ZFP2: variants seen among roughly 807,000 people sequenced by gnomAD.
ZFP2 encodes zinc finger protein ZFP2.
In ZFP2, 33 loss-of-function variants were observed where a neutral mutation model predicts 36.1. That is an observed-to-expected ratio of 0.92 (90% CI 0.69 to 1.22). ZFP2 has a LOEUF of 1.22. Among genes scored for constraint, ZFP2 ranks in the 50% most tolerant of loss-of-function variants. ZFP2 has a pLI of 0.00. For missense variants in ZFP2, 522 were observed against 551.4 expected (o/e 0.95, Z 0.53); for synonymous variants, 170 against 178.0 (o/e 0.96, Z 0.36).
intron 1 of ZFP2, chr5:178,910,099 G>C: frequency 6.8e-7 from 1 of 1,470,858 alleles, no homozygotes; most frequent in Non-Finnish European, 9.5e-7. Flanking sequence ...TTATTCTCCT[G>C]TTTGGCTTCT....
chr5:178,899,315 C>T (rs1757999971), intron 1 of ZFP2, among the ~76,000 whole-genome samples: 1 of 152,138 alleles, frequency 6.6e-6, no homozygotes, highest in Non-Finnish European at 1.5e-5. Flanking sequence ...TGGCTGATTT[C>T]ATTTAATAGT....
At position 178,933,009 on chromosome 5, in the gene ZFP2, G is replaced by C. The variant is rs76836871; in HGVS notation, c.*310G>C. ...TGGCTATCAGAGACTTTACACTGGAGAGAAAAATGTGAGAGTGTTTAACTG... is the reference window on the plus strand; with the variant it reads ...TGGCTATCAGAGACTTTACACTGGACAGAAAAATGTGAGAGTGTTTAACTG... On this transcript the variant is annotated 3_prime_UTR_variant, in exon 5 of 5. Coordinates refer to ENST00000361362, the MANE Select transcript of ZFP2 (RefSeq NM_030613.4). 0.018 allele frequency: 4,254 copies of C among 242,868 alleles called. 187 individuals are homozygous for C. Among genetic ancestry groups the C allele is most frequent in the African/African-American group, 0.09 (3,929 of 43,562 alleles). 15.0% of individuals were successfully genotyped at this position (242,868 alleles called of 1,614,324 possible).
intron 1 of ZFP2, among the ~76,000 whole-genome samples, chr5:178,906,145 A>G (rs931821310): frequency 8.5e-5 from 13 of 152,174 alleles, no homozygotes; most frequent in African/African-American, 3.1e-4. Context: ...GCATTTCACA[A>G]TAGAAGCTCT....
At chr5:178,915,972 T>C (rs1437053158) in intron 3 of ZFP2, among the ~76,000 whole-genome samples, 1 of 152,216 alleles carries the variant, frequency 6.6e-6, no homozygotes, top group Non-Finnish European at 1.5e-5. Context: ...CTGGTGAAAA[T>C]ATAAATTTGA....
At chr5:178,927,632 G>A (rs1032530780) in intron 4 of ZFP2, among the ~76,000 whole-genome samples, 15 of 150,692 alleles carry the variant, frequency 1.0e-4, no homozygotes, top group African/African-American at 3.7e-4. Flanking sequence ...CAGTAGCTGG[G>A]ATTACAGGTG....
intron 1 of ZFP2, chr5:178,910,359 G>GGGTC (rs1354681090): frequency 1.9e-6 from 2 of 1,069,108 alleles, no homozygotes; most frequent in Non-Finnish European, 2.9e-6. Flanking sequence ...CCCCTGCAAG[G>GGGTC]AAGACTCCTC....
rs1758830329 is a variant in ZFP2, at chr5:178,931,282, G to GT, written c.-31dup. 6.5e-7 allele frequency: 1 copy of GT among 1,543,832 alleles called. No homozygotes were observed. The highest frequency in any genetic ancestry group is 8.7e-7 in the Non-Finnish European group (1 of 1,150,172). On this transcript the variant is annotated 5_prime_UTR_variant, in exon 5 of 5. Coordinates refer to ENST00000361362, the MANE Select transcript of ZFP2 (RefSeq NM_030613.4). Reference sequence around the variant, plus strand: ...ACCAAAGAGCCAACTCCGAAGCCGGGTATTACTGAAGATTTATGCCATGGG... The same window carrying GT: ...ACCAAAGAGCCAACTCCGAAGCCGGGTTATTACTGAAGATTTATGCCATGGG...
At chr5:178,907,619 G>A (rs200637481) in intron 1 of ZFP2, among the ~76,000 whole-genome samples, 1 of 48,788 alleles carries the variant, frequency 2.0e-5, no homozygotes, top group South Asian at 1.7e-3. Flanking sequence ...GATATTCAAA[G>A]AGATAAATAA....
Position 178,931,516 on chromosome 5 carries a change from C to G in ZFP2, c.203C>G (p.Pro68Arg), listed in dbSNP as rs954868280. 1 of 1,614,126 alleles carries G rather than the reference C, an allele frequency of 6.2e-7. No homozygotes were observed. Among genetic ancestry groups the G allele is most frequent in the Non-Finnish European group, 8.5e-7 (1 of 1,180,026 alleles). Residue 68 changes from proline to arginine, a missense_variant, in exon 5 of 5, where the codon CCT (proline) becomes CGT (arginine). Physicochemically the swap from Pro to Arg is moderately radical, Grantham distance 103 (BLOSUM62 -2). Coordinates refer to ENST00000361362, the MANE Select transcript of ZFP2 (RefSeq NM_030613.4). ...DSILDTQQSI[P>R]MVKRPHNCNS... ...ATCCTTGATACACAGCAAAGCATTC[C>G]TATGGTAAAAAGGCCCCATAACTGT...
intron 1 of ZFP2, among the ~76,000 whole-genome samples, chr5:178,899,831 T>A (rs1181486217): frequency 6.6e-6 from 1 of 152,118 alleles, no homozygotes. Flanking sequence ...TACTGAAGAC[T>A]TAACGGCATT....
intron 1 of ZFP2, among the ~76,000 whole-genome samples, chr5:178,909,494 C>T (rs576974485): frequency 2.0e-5 from 3 of 152,272 alleles, no homozygotes; most frequent in Admixed American, 6.5e-5. Flanking sequence ...GCATTGGCCC[C>T]CTGGTCCCAC....
At chr5:178,906,509 G>A (rs1450833328) in intron 1 of ZFP2, among the ~76,000 whole-genome samples, 2 of 151,910 alleles carry the variant, frequency 1.3e-5, no homozygotes, top group African/African-American at 4.8e-5. Context: ...ATCTTTTGTA[G>A]GTACCATACA....
chr5:178,925,682 ATTCAGGCTTCCTTTCC>A (rs1271399186), intron 4 of ZFP2, among the ~76,000 whole-genome samples: 1 of 149,110 alleles, frequency 6.7e-6, no homozygotes, highest in Admixed American at 6.7e-5. Flanking sequence ...TTTGCAGACC[ATTCAGGCTTCCTTTCC>A]TTAAGTGCTT....
rs77407615 is a variant in ZFP2 at position 178,923,360 on chromosome 5, A to G, written c.-78+6650A>G. On this transcript the variant is annotated intron_variant, in intron 4 of 4. Transcript: ENST00000361362. The stretch of plus-strand genomic sequence containing the variant: ...CTGCCTCTATGAATTTGACTACTCT[A>G]GATACCTCATATGAGTTGAATCATG... Among the ~76,000 whole-genome samples the G allele has an allele frequency of 8.4e-3, 1,251 of 149,558 alleles. 100 individuals carry two copies. In the East Asian group the frequency reaches 0.13, roughly 15 times the overall value.
At chr5:178,910,439 G>T (rs1445122021) in intron 1 of ZFP2, 4 of 752,760 alleles carry the variant, frequency 5.3e-6, no homozygotes, top group Non-Finnish European at 9.7e-6. Context: ...GGCCTTCTTG[G>T]TCCCATTGAC....
At chr5:178,920,591 C>T (rs867446295) in intron 4 of ZFP2, among the ~76,000 whole-genome samples, 22 of 151,380 alleles carry the variant, frequency 1.5e-4, no homozygotes, top group Admixed American at 9.2e-4. Context: ...GAGTCGAGAT[C>T]GCGCCACTGC....
At chr5:178,922,038 G>A in intron 4 of ZFP2, 1 of 745,614 alleles carries the variant, frequency 1.3e-6, no homozygotes, top group Non-Finnish European at 2.4e-6. Context: ...AGGCAGGAGA[G>A]TCAGCTAGCC....
In ZFP2 at chr5:178,905,087, C is replaced by T. The variant is rs1005947566; in HGVS notation, c.-449-7497C>T. Reference sequence around the variant, plus strand: ...TTCTCGTATATTTATCCTTAATAGTCGAATTTTATTATGAAGTTCCAACAG... The same window carrying T: ...TTCTCGTATATTTATCCTTAATAGTTGAATTTTATTATGAAGTTCCAACAG... On this transcript the variant is annotated intron_variant, in intron 1 of 4. Transcript: ENST00000361362. 6.6e-5 allele frequency among the ~76,000 whole-genome samples: 10 copies of T among 151,926 alleles called. No individual in the cohort carries two copies. In the East Asian group the frequency reaches 7.7e-4, roughly 12 times the overall value.
At chr5:178,909,873 G>A in intron 1 of ZFP2, 1 of 1,577,984 alleles carries the variant, frequency 6.3e-7, no homozygotes, top group Non-Finnish European at 8.7e-7. Flanking sequence ...AATCACCTGA[G>A]TGAAGTTAAG....
Sources: allele counts gnomAD v4.1 joint callset (sites outside exome capture counted in the v4.1 genomes callset), GRCh38; gene constraint gnomAD v4.1.1; transcripts MANE v1.5; gene names NCBI Gene and HGNC (gene_info 2026-07-23, HGNC 2026-07-21).